The following MEGF11 variants were observed in gnomAD, a reference collection of about 807,000 sequenced individuals.
MEGF11 encodes multiple epidermal growth factor-like domains protein 11.
In MEGF11, 126 loss-of-function variants were observed where a neutral mutation model predicts 146.6. The ratio of observed to expected loss-of-function variants is 0.86; its 90% CI spans 0.74 to 1.00. MEGF11 has a LOEUF of 1.00. Among genes scored for constraint, MEGF11 ranks in the 50% least tolerant of loss-of-function variants. The probability of loss-of-function intolerance (pLI) is 0.00; values close to 1 mark genes in which losing one functional copy is unlikely to be tolerated. For missense variants in MEGF11, 1,509 were observed against 1,521.2 expected (o/e 0.99, Z 0.13); for synonymous variants, 532 against 583.4 (o/e 0.91, Z 1.27).
chr15:66,011,291 G>A (rs1166856420), intron 5 of MEGF11, among the ~76,000 whole-genome samples: 4 of 152,174 alleles, frequency 2.6e-5, no homozygotes, highest in Non-Finnish European at 4.4e-5. Context: ...GGTCAAAAGA[G>A]TTCTGGCCAG....
chr15:65,970,689 C>T lies in MEGF11; in HGVS notation c.763G>A (p.Gly255Arg). ...GECACPPGWTGAVCAQPCPPG... is the reference protein window; with the variant it reads ...GECACPPGWTRAVCAQPCPPG... The stretch of plus-strand genomic sequence containing the variant: ...GGGCAGGGCTGGGCACACACTGCTC[C>T]CTAAAAGAAAGGTGGGAAGACATGC... Residue 255 changes from glycine to arginine, a missense_variant and splice_region_variant, in exon 8 of 26, where the codon GGA becomes AGA. Physicochemically the swap from Gly to Arg is moderately radical, Grantham distance 125. Coordinates refer to ENST00000395614, the MANE Select transcript of MEGF11 (RefSeq NM_001385028.1). The T allele has an allele frequency of 1.2e-6, 2 of 1,608,926 alleles. No homozygotes were observed. The highest frequency in any genetic ancestry group is 1.1e-5 in the South Asian group (1 of 89,956).
At chr15:66,121,032 C>G (rs1395834255) in intron 3 of MEGF11, among the ~76,000 whole-genome samples, 1 of 152,220 alleles carries the variant, frequency 6.6e-6, no homozygotes, top group African/African-American at 2.4e-5. Flanking sequence ...CAAACCAAAG[C>G]TGACGGAGGG....
chr15:66,202,662 C>T (rs142266715), intron 1 of MEGF11, among the ~76,000 whole-genome samples: 61 of 152,332 alleles, frequency 4.0e-4, no homozygotes, highest in African/African-American at 1.4e-3. Context: ...TACAGAATGT[C>T]GAGGAAGTCC....
intron 5 of MEGF11, among the ~76,000 whole-genome samples, chr15:66,059,108 C>G (rs1277124194): frequency 6.6e-6 from 1 of 152,192 alleles, no homozygotes; most frequent in Non-Finnish European, 1.5e-5. Flanking sequence ...CCTGGAGGAG[C>G]CTGCTCCAGA....
At chr15:66,226,197 A>C (rs1013165711) in intron 1 of MEGF11, among the ~76,000 whole-genome samples, 3 of 151,592 alleles carry the variant, frequency 2.0e-5, no homozygotes, top group Non-Finnish European at 4.4e-5. Context: ...CATCTTGGCT[A>C]TCAGATCGAC....
At chr15:66,155,325 T>A (rs1295550381) in intron 1 of MEGF11, among the ~76,000 whole-genome samples, 1 of 152,182 alleles carries the variant, frequency 6.6e-6, no homozygotes, top group Admixed American at 6.5e-5. Context: ...CTGTAGAATT[T>A]GCCTCAGAGT....
At chr15:65,955,764 A>ATC (rs2080578684) in intron 10 of MEGF11, among the ~76,000 whole-genome samples, 2 of 8,672 alleles carry the variant, frequency 2.3e-4, no homozygotes, top group Admixed American at 1.9e-3. Flanking sequence ...AAAAAAAAAT[A>ATC]TATATATATA....
chr15:66,252,981 G>A (rs772327482), intron 1 of MEGF11, among the ~76,000 whole-genome samples: 157 of 152,336 alleles, frequency 1.0e-3, no homozygotes, highest in Middle Eastern at 6.8e-3. Flanking sequence ...TGGACTTCCC[G>A]GAATAGAGTA....
chr15:65,932,313 G>C (rs898460647), intron 10 of MEGF11, among the ~76,000 whole-genome samples: 1 of 152,116 alleles, frequency 6.6e-6, no homozygotes, highest in Non-Finnish European at 1.5e-5. Context: ...CTTGGAGGGC[G>C]ATGTCTATAG....
rs756150061 is a variant in MEGF11 at position 66,123,923 on chromosome 15, T to C, written c.176A>G (p.Asn59Ser). 6.2e-7 allele frequency: 1 copy of C among 1,613,906 alleles called. No individual in the cohort carries two copies. The highest frequency in any genetic ancestry group is 2.2e-5 in the East Asian group (1 of 44,884). Reference sequence around the variant, plus strand: ...CCGGTGCCTGGTGCACTTGAACCAGTTGAGGATGTCTGTGCATCGTGTGTA... The same window carrying C: ...CCGGTGCCTGGTGCACTTGAACCAGCTGAGGATGTCTGTGCATCGTGTGTA... Reference protein sequence around the residue: ...IYYTRCTDILNWFKCTRHRIS... With the variant: ...IYYTRCTDILSWFKCTRHRIS... The change falls in exon 3 of 26, where the codon AAC (asparagine) becomes AGC (serine). Residue 59 changes from asparagine to serine, a missense_variant. Asn to Ser is a conservative substitution (Grantham distance 46). Coordinates refer to ENST00000395614, the MANE Select transcript of MEGF11 (RefSeq NM_001385028.1).
rs1317058194 is a variant in MEGF11, at chr15:65,982,189, C to G, written c.641+53G>C. 4.0e-6 allele frequency: 6 copies of G among 1,506,192 alleles called. No individual in the cohort carries two copies. In the African/African-American group the frequency reaches 9.2e-5, roughly 23 times the overall value. The allele number at this position is 1,506,192 out of a possible 1,614,324, so 93.3% of individuals were successfully genotyped here. ...TCTACCCTCCCCACCCAGGCACCCT[C>G]CAGGTCCCGCCCCTCCAGGTCCCGC... is the stretch of plus-strand genomic sequence containing the variant. On this transcript the variant is annotated intron_variant, in intron 6 of 25. Coordinates refer to ENST00000395614, the MANE Select transcript of MEGF11 (RefSeq NM_001385028.1). This position sits in a 1 kb window ranked among gnomAD's most constrained non-coding sequence, Gnocchi z 5.6.
chr15:66,246,730 G>C (rs562206710), intron 1 of MEGF11, among the ~76,000 whole-genome samples: 43 of 152,112 alleles, frequency 2.8e-4, no homozygotes, highest in Non-Finnish European at 2.2e-4. Flanking sequence ...AGAATCGTTT[G>C]ACCCAAGCAG....
chr15:65,971,023 T>C (rs2081283239), intron 7 of MEGF11: 3 of 337,438 alleles, frequency 8.9e-6, no homozygotes, highest in East Asian at 6.6e-5. Flanking sequence ...GTAAGTACTC[T>C]CACATGGGTA....
At chr15:66,245,496 G>T (rs962623247) in intron 1 of MEGF11, among the ~76,000 whole-genome samples, 1 of 152,022 alleles carries the variant, frequency 6.6e-6, no homozygotes, top group African/African-American at 2.4e-5. Context: ...GCCAGGCATG[G>T]TGGCATACAC....
intron 10 of MEGF11, among the ~76,000 whole-genome samples, chr15:65,956,973 A>C (rs1362483857): frequency 6.6e-6 from 1 of 152,246 alleles, no homozygotes; most frequent in East Asian, 1.9e-4. Context: ...AGAGCCGTAA[A>C]TATATTATGC....
At chr15:65,918,985 G>A (rs540077146) in intron 15 of MEGF11, among the ~76,000 whole-genome samples, 31 of 152,330 alleles carry the variant, frequency 2.0e-4, no homozygotes, top group Admixed American at 2.0e-3. Context: ...ACAAAATAAA[G>A]TCGATCCTGG....
rs16949143 is a variant in MEGF11, at chr15:65,952,431, C to T, written c.1287+5116G>A. Among the ~76,000 whole-genome samples the T allele has an allele frequency of 4.1e-3, 624 of 152,264 alleles. 2 individuals are homozygous for T. Among genetic ancestry groups the T allele is most frequent in the African/African-American group, 0.014 (593 of 41,538 alleles). ...CAATTCAGCTAATTCCCTAGCTCAGCGGGGTGTGAAGAAAGGTCCTCACCT... is the reference window on the plus strand; with the variant it reads ...CAATTCAGCTAATTCCCTAGCTCAGTGGGGTGTGAAGAAAGGTCCTCACCT... On this transcript the variant is annotated intron_variant, in intron 10 of 25. Transcript: ENST00000395614.
intron 5 of MEGF11, among the ~76,000 whole-genome samples, chr15:66,015,299 G>A (rs1433896308): frequency 2.6e-5 from 4 of 152,172 alleles, no homozygotes; most frequent in Admixed American, 2.6e-4. Context: ...GGAGGGTGAG[G>A]GTCATCTGGG....
intron 1 of MEGF11, among the ~76,000 whole-genome samples, chr15:66,133,648 C>T (rs117093231): frequency 1.3e-5 from 2 of 152,006 alleles, no homozygotes; most frequent in South Asian, 2.1e-4. Flanking sequence ...CTGATTAGTG[C>T]GAGATGAAAA....
Sources: gnomAD v4.1 joint callset for allele counts (sites outside exome capture counted in the v4.1 genomes callset) on GRCh38, gnomAD v4.1.1 for gene constraint, Gnocchi (gnomAD v3.1) non-coding constraint, MANE v1.5 for transcripts, NCBI Gene and HGNC (gene_info 2026-07-23, HGNC 2026-07-21) for gene names.